Variants in GADL1 observed in about 807,000 individuals in gnomAD.
The protein encoded by GADL1 is acidic amino acid decarboxylase GADL1.
Under a neutral mutation model 69.5 loss-of-function variants are expected in GADL1, and 71 were observed. The observed-to-expected ratio is 1.02, with a 90% CI of 0.84 to 1.25. GADL1 has a LOEUF of 1.25. Ranked by LOEUF, GADL1 falls within the 50% of genes most tolerant of loss-of-function variation. The probability of loss-of-function intolerance (pLI) is 0.00; values close to 1 mark genes in which losing one functional copy is unlikely to be tolerated. For synonymous variants in GADL1, 254 were observed against 214.4 expected, an observed-to-expected ratio of 1.18 and a Z score of -1.62; for missense variants, 737 against 631.8, an observed-to-expected ratio of 1.17 and a Z score of -1.79.
intron 11 of GADL1, among the ~76,000 whole-genome samples, chr3:30,829,054 C>A (rs988266924): frequency 1.3e-5 from 2 of 151,834 alleles, no homozygotes; most frequent in African/African-American, 4.8e-5. Flanking sequence ...TGACATTTTT[C>A]TCCATCTATG....
At chr3:30,862,742 A>T (rs1296207351) in intron 1 of GADL1, among the ~76,000 whole-genome samples, 3 of 152,028 alleles carry the variant, frequency 2.0e-5, no homozygotes, top group Non-Finnish European at 4.4e-5. Context: ...CTTCAAAGGC[A>T]AAGAGCTAGC....
At chr3:30,729,459 G>A (rs1695422178) in intron 14 of GADL1, among the ~76,000 whole-genome samples, 1 of 152,150 alleles carries the variant, frequency 6.6e-6, no homozygotes, top group South Asian at 2.1e-4. Flanking sequence ...TTCTCAGGAA[G>A]ATGAGACTTA....
At chr3:30,795,355 T>C (rs1697011217) in intron 12 of GADL1, among the ~76,000 whole-genome samples, 1 of 152,186 alleles carries the variant, frequency 6.6e-6, no homozygotes, top group Admixed American at 6.5e-5. Flanking sequence ...GTTAAGATTA[T>C]GACTCACAGA....
At chr3:30,800,733 C>T in intron 12 of GADL1, 156 bp downstream of exon 12, 1 of 655,864 alleles carries the variant, frequency 1.5e-6, no homozygotes, top group Non-Finnish European at 2.6e-6. Context: ...AAATAATGCA[C>T]AAATGAAAAC....
intron 14 of GADL1, among the ~76,000 whole-genome samples, chr3:30,731,197 T>A (rs530126972): frequency 1.3e-5 from 2 of 152,214 alleles, no homozygotes; most frequent in East Asian, 3.9e-4. Context: ...GTTCTTGTTT[T>A]TGAAATCAAA....
At chr3:30,843,210 G>T (rs1052087039) in intron 8 of GADL1, among the ~76,000 whole-genome samples, 1 of 151,462 alleles carries the variant, frequency 6.6e-6, no homozygotes, top group Non-Finnish European at 1.5e-5. Flanking sequence ...AATCTAGCAG[G>T]CTTTTGGTCC....
At chr3:30,892,528 T>G (rs1698799506) in intron 1 of GADL1, among the ~76,000 whole-genome samples, 1 of 152,208 alleles carries the variant, frequency 6.6e-6, no homozygotes, top group Non-Finnish European at 1.5e-5. Context: ...TAAGGCAAAC[T>G]TTGAACTTTA....
rs1041469904 is a variant in GADL1 at position 30,799,706 on chromosome 3, G to C, written c.1250+1183C>G. 2.0e-5 allele frequency: 3 copies of C among 152,208 alleles called. No individual in the cohort carries two copies. The East Asian group carries it at 5.8e-4, about 29-fold the overall frequency. The allele number at this position is 152,208 out of a possible 1,614,324, so 9.4% of individuals were successfully genotyped here. A position where few individuals can be genotyped will look rare whatever the true frequency, so the allele number is the denominator to read the frequency against. On this transcript the variant is annotated intron_variant, in intron 12 of 14. Coordinates refer to ENST00000282538, the MANE Select transcript of GADL1 (RefSeq NM_207359.3). ...TGAAAATTTTCTGAACTTTGATGCT[G>C]TTTCCCTTTTAAAAGGGAATGCTTT...
At chr3:30,890,934 C>G (rs1171498746) in intron 1 of GADL1, among the ~76,000 whole-genome samples, 2 of 152,136 alleles carry the variant, frequency 1.3e-5, no homozygotes, top group Admixed American at 6.5e-5. Flanking sequence ...ATTTTTATCC[C>G]TACCTTACAA....
chr3:30,872,188 C>G (rs1039145324), intron 1 of GADL1, among the ~76,000 whole-genome samples: 1 of 151,890 alleles, frequency 6.6e-6, no homozygotes, highest in Non-Finnish European at 1.5e-5. Context: ...AAAAATTTGA[C>G]TTAACATAGC....
chr3:30,786,687 A>G (rs751623733), intron 12 of GADL1, among the ~76,000 whole-genome samples: 1 of 152,230 alleles, frequency 6.6e-6, no homozygotes, highest in African/African-American at 2.4e-5. Context: ...GGCTGGATAT[A>G]TATCTCTGAA....
rs1407044731 is a variant in GADL1 at position 30,832,453 on chromosome 3, GA to G, written c.1050+1399del. Reference sequence around the variant, plus strand: ...AAATTACTCAAATATCAGTTAATAAGAAAAGTATATGAAAGCTAGAAAGTTA... The same window carrying G: ...AAATTACTCAAATATCAGTTAATAAGAAAGTATATGAAAGCTAGAAAGTTA... On this transcript the variant is annotated intron_variant, in intron 11 of 14. Coordinates refer to ENST00000282538, the MANE Select transcript of GADL1 (RefSeq NM_207359.3). Among the ~76,000 whole-genome samples the G allele has an allele frequency of 2.0e-5, 3 of 151,908 alleles. No individual in the cohort carries two copies. The East Asian group carries it at 5.8e-4, about 30-fold the overall frequency.
chr3:30,770,496 A>G (rs1387806538), intron 14 of GADL1, among the ~76,000 whole-genome samples: 2 of 152,232 alleles, frequency 1.3e-5, no homozygotes, highest in South Asian at 2.1e-4. Context: ...ATAGATGTTC[A>G]TGAAATGCAG....
intron 1 of GADL1, among the ~76,000 whole-genome samples, chr3:30,880,161 A>G (rs896923727): frequency 2.6e-5 from 4 of 152,000 alleles, no homozygotes; most frequent in African/African-American, 9.7e-5. Context: ...AATATTTTTA[A>G]AAACCAACAA....
Position 30,883,304 on chromosome 3 carries a change from C to T in GADL1, c.37+11274G>A, listed in dbSNP as rs186329372. 1.9e-3 allele frequency among the ~76,000 whole-genome samples: 288 copies of T among 151,918 alleles called. 4 individuals are homozygous for T. The highest frequency in any genetic ancestry group is 6.6e-3 in the African/African-American group (272 of 41,468). ...TGGGTCTTGCACTACTTCTTTAATC[C>T]ACTTTGAGTTGATTTCTATATACAG... On this transcript the variant is annotated intron_variant, in intron 1 of 14. Coordinates refer to ENST00000282538, the MANE Select transcript of GADL1 (RefSeq NM_207359.3).
chr3:30,776,095 A>G (rs1246831076), intron 14 of GADL1, among the ~76,000 whole-genome samples: 1 of 152,166 alleles, frequency 6.6e-6, no homozygotes, highest in Admixed American at 6.5e-5. Context: ...GAAAAAAAAA[A>G]TGCATTATAT....
chr3:30,813,946 T>A (rs1252527458), intron 11 of GADL1, among the ~76,000 whole-genome samples: 1 of 152,210 alleles, frequency 6.6e-6, no homozygotes, highest in Non-Finnish European at 1.5e-5. Context: ...AAAAAACGTT[T>A]CCACTATACT....
At chr3:30,828,232 T>C (rs547517844) in intron 11 of GADL1, among the ~76,000 whole-genome samples, 2 of 152,044 alleles carry the variant, frequency 1.3e-5, no homozygotes, top group African/African-American at 4.8e-5. Context: ...TTAACTGGCA[T>C]GTAATAATTG....
intron 14 of GADL1, among the ~76,000 whole-genome samples, chr3:30,772,686 C>A (rs1317750187): frequency 6.6e-6 from 1 of 152,048 alleles, no homozygotes; most frequent in African/African-American, 2.4e-5. Context: ...ACCAGCCTGG[C>A]CAACATGGTG....
Sources: allele counts gnomAD v4.1 joint callset (sites outside exome capture counted in the v4.1 genomes callset), GRCh38; gene constraint gnomAD v4.1.1; transcripts MANE v1.5; gene names NCBI Gene and HGNC (gene_info 2026-07-23, HGNC 2026-07-21).